The following CMKLR1 variants were observed in gnomAD, a reference collection of about 807,000 sequenced individuals.
The protein encoded by CMKLR1 is chemerin-like receptor 1.
CMKLR1 carries 6 observed loss-of-function variants against 8.2 expected under a neutral mutation model. The observed-to-expected ratio is 0.73, with a 90% CI of 0.40 to 1.44. The LOEUF is 1.44. Ranked by LOEUF, CMKLR1 falls within the 40% of genes most tolerant of loss-of-function variation. The pLI, the probability that CMKLR1 is intolerant of heterozygous loss-of-function variation, is 0.02. For missense variants in CMKLR1, 429 were observed against 478.0 expected (o/e 0.90, Z 0.96); for synonymous variants, 178 against 181.2 (o/e 0.98, Z 0.14).
intron 2 of CMKLR1, among the ~76,000 whole-genome samples, chr12:108,317,119 A>G (rs1012792662): frequency 3.3e-5 from 5 of 152,190 alleles, no homozygotes; most frequent in Non-Finnish European, 2.9e-5. Context: ...TCATTGGTTG[A>G]TTTTAACAGG....
chr12:108,331,007 G>A (rs1056553561), intron 1 of CMKLR1, among the ~76,000 whole-genome samples: 1 of 152,156 alleles, frequency 6.6e-6, no homozygotes, highest in Non-Finnish European at 1.5e-5. Context: ...CAGGGGGGAA[G>A]AGAAGGAGCC....
chr12:108,325,591 A>G (rs1246169056), intron 2 of CMKLR1, among the ~76,000 whole-genome samples: 1 of 152,192 alleles, frequency 6.6e-6, no homozygotes, highest in African/African-American at 2.4e-5. Context: ...ACCCTCCCAC[A>G]GATCCATCTC....
chr12:108,338,656 A>T (rs576195372), intron 1 of CMKLR1, among the ~76,000 whole-genome samples: 1 of 152,178 alleles, frequency 6.6e-6, no homozygotes, highest in Non-Finnish European at 1.5e-5. Flanking sequence ...TCATTGCAGC[A>T]CTGTTCTAAT....
At chr12:108,308,002 G>A (rs993540721) in intron 2 of CMKLR1, among the ~76,000 whole-genome samples, 2 of 152,232 alleles carry the variant, frequency 1.3e-5, no homozygotes, top group Admixed American at 6.5e-5. Context: ...AGAAAACTGA[G>A]ATTCAGATTC....
chr12:108,298,198 G>A (rs146167235), intron 2 of CMKLR1, among the ~76,000 whole-genome samples: 137 of 152,324 alleles, frequency 9.0e-4, no homozygotes, highest in Middle Eastern at 3.4e-3. Flanking sequence ...CACTGGTTTT[G>A]CTTGGTCCTT....
chr12:108,332,515 C>T (rs753749338), intron 1 of CMKLR1, among the ~76,000 whole-genome samples: 4 of 152,164 alleles, frequency 2.6e-5, no homozygotes, highest in Admixed American at 2.0e-4. Context: ...ACCCTTACTC[C>T]GGTGGGCACA....
At chr12:108,295,838 T>C (rs1225180522) in intron 2 of CMKLR1, among the ~76,000 whole-genome samples, 2 of 152,182 alleles carry the variant, frequency 1.3e-5, no homozygotes, top group East Asian at 3.9e-4. Context: ...GCAGATGACA[T>C]CATGTCGGGC....
At chr12:108,302,153 T>C (rs1181163122) in intron 2 of CMKLR1, among the ~76,000 whole-genome samples, 1 of 152,108 alleles carries the variant, frequency 6.6e-6, no homozygotes, top group Non-Finnish European at 1.5e-5. Context: ...ATATGACAAA[T>C]TGAAGATCAA....
intron 1 of CMKLR1, among the ~76,000 whole-genome samples, chr12:108,332,907 G>A (rs750640003): frequency 3.5e-4 from 53 of 152,184 alleles, no homozygotes; most frequent in Non-Finnish European, 6.5e-4. Flanking sequence ...CCCAGAGGTC[G>A]AGGCTGCAAA....
intron 2 of CMKLR1, among the ~76,000 whole-genome samples, chr12:108,304,826 T>C (rs954622113): frequency 6.6e-6 from 1 of 152,264 alleles, no homozygotes; most frequent in South Asian, 2.1e-4. Context: ...TCTGTCAATC[T>C]GCTGTCTCTT....
At chr12:108,330,645 A>G (rs1329956108) in intron 1 of CMKLR1, among the ~76,000 whole-genome samples, 2 of 152,252 alleles carry the variant, frequency 1.3e-5, no homozygotes, top group Non-Finnish European at 2.9e-5. Context: ...TCCATCCACC[A>G]TCAGAGAGAA....
chr12:108,309,254 T>C (rs960145606), intron 2 of CMKLR1, among the ~76,000 whole-genome samples: 27 of 152,292 alleles, frequency 1.8e-4, no homozygotes, highest in African/African-American at 6.0e-4. Context: ...GTGCTGTGAA[T>C]AAAATACAAA....
chr12:108,299,927 C>G (rs1242928552), intron 2 of CMKLR1, among the ~76,000 whole-genome samples: 1 of 152,212 alleles, frequency 6.6e-6, no homozygotes, highest in Non-Finnish European at 1.5e-5. Flanking sequence ...CAAATACACT[C>G]CCCATTCTGG....
At chr12:108,309,303 C>G (rs1891490843) in intron 2 of CMKLR1, among the ~76,000 whole-genome samples, 1 of 152,204 alleles carries the variant, frequency 6.6e-6, no homozygotes, top group Non-Finnish European at 1.5e-5. Flanking sequence ...GGAACGCTCT[C>G]CCTAACATAG....
chr12:108,305,476 T>A (rs1456774301), intron 2 of CMKLR1, among the ~76,000 whole-genome samples: 1 of 152,182 alleles, frequency 6.6e-6, no homozygotes, highest in Non-Finnish European at 1.5e-5. Flanking sequence ...CCCCCTGGCC[T>A]GGACGACTGT....
At chr12:108,304,914 CG>C (rs1328321195) in intron 2 of CMKLR1, among the ~76,000 whole-genome samples, 1 of 152,222 alleles carries the variant, frequency 6.6e-6, no homozygotes, top group Non-Finnish European at 1.5e-5. Context: ...GGCCTGTGGG[CG>C]TAAGAGCCCA....
chr12:108,288,079 T>C lies in CMKLR1; in HGVS notation c.*3762A>G, dbSNP rs943389661. On this transcript the variant is annotated 3_prime_UTR_variant, in exon 4 of 4. Transcript: ENST00000550402. ...GTCTCTTTATTCGAGAGAAACTTTG[T>C]CCTCAAAGGGAAGAAGTAAGAAGAC... The C allele has an allele frequency of 6.6e-6, 1 of 152,150 alleles. No individual in the cohort carries two copies. The highest frequency in any genetic ancestry group is 2.4e-5 in the African/African-American group (1 of 41,428). 9.4% of individuals were successfully genotyped at this position (152,150 alleles called of 1,614,324 possible). A position where few individuals can be genotyped will look rare whatever the true frequency, so the allele number is the denominator to read the frequency against.
At chr12:108,315,922 G>A (rs528279261) in intron 2 of CMKLR1, among the ~76,000 whole-genome samples, 1 of 152,220 alleles carries the variant, frequency 6.6e-6, no homozygotes, top group Admixed American at 6.5e-5. Flanking sequence ...TATCTCATTG[G>A]TAAAATGAAG....
At chr12:108,295,733 G>A (rs1402409202) in intron 2 of CMKLR1, among the ~76,000 whole-genome samples, 1 of 152,252 alleles carries the variant, frequency 6.6e-6, no homozygotes, top group Admixed American at 6.5e-5. Flanking sequence ...CTCATTGACA[G>A]TGGGCTGGGT....
Sources: allele counts gnomAD v4.1 joint callset (sites outside exome capture counted in the v4.1 genomes callset), GRCh38; gene constraint gnomAD v4.1.1; transcripts MANE v1.5; gene names NCBI Gene and HGNC (gene_info 2026-07-23, HGNC 2026-07-21).